Variants in AGL observed in about 807,000 individuals in gnomAD.
AGL encodes glycogen debranching enzyme.
AGL carries 128 observed loss-of-function variants against 199.3 expected under a neutral mutation model. The observed-to-expected ratio is 0.64, with a 90% confidence interval of 0.56 to 0.74. AGL has a LOEUF of 0.74. Ranked by LOEUF, AGL falls within the 30% of genes least tolerant of loss-of-function variation. The pLI, the probability that AGL is intolerant of heterozygous loss-of-function variation, is 0.00. For synonymous variants in AGL, 584 were observed against 594.7 expected, an observed-to-expected ratio of 0.98 and a Z score of 0.26; for missense variants, 1,809 against 1,820.8, an observed-to-expected ratio of 0.99 and a Z score of 0.12.
chr1:99,855,617 A>G (rs887769538), intron 2 of AGL, among the ~76,000 whole-genome samples: 1 of 152,148 alleles, frequency 6.6e-6, no homozygotes, highest in Non-Finnish European at 1.5e-5. Context: ...CCTGGCCAAC[A>G]TGGTGAAACC....
chr1:99,887,865 A>G (rs2100778347), intron 20 of AGL, 113 bp from the exon 21 acceptor site: 3 of 1,242,872 alleles, frequency 2.4e-6, no homozygotes, highest in Non-Finnish European at 3.5e-6. Context: ...CTGAGTTCCT[A>G]AAACATACAC....
intron 7 of AGL, among the ~76,000 whole-genome samples, chr1:99,871,627 G>A (rs756218208): frequency 2.0e-5 from 3 of 152,092 alleles, no homozygotes; most frequent in Non-Finnish European, 4.4e-5. Flanking sequence ...TGAAGTAGAC[G>A]TCAATATGGC....
rs1416484750 is a variant in AGL at position 99,864,649 on chromosome 1, T to C, written c.664+60T>C. The C allele has an allele frequency of 7.9e-6, 11 of 1,387,202 alleles. No homozygotes were observed. The South Asian group carries it at 1.2e-4, about 15-fold the overall frequency. 85.9% of individuals were successfully genotyped at this position (1,387,202 alleles called of 1,614,324 possible). On this transcript the variant is annotated intron_variant, in intron 5 of 33. Transcript: ENST00000361915. ...ATGAGAATTTATGCACACACACATA[T>C]ACACACAAATAAGAGAAAGGAAGAA...
chr1:99,910,354 G>C (rs1420304966), intron 27 of AGL, among the ~76,000 whole-genome samples: 2 of 152,112 alleles, frequency 1.3e-5, no homozygotes, highest in African/African-American at 4.8e-5. Context: ...AAATGGTATA[G>C]AGGGTTTCCC....
intron 8 of AGL, 53 bp downstream of exon 8, chr1:99,874,863 T>A (rs1369060760): frequency 6.3e-7 from 1 of 1,579,514 alleles, no homozygotes; most frequent in Admixed American, 1.7e-5. Flanking sequence ...CAAACCTTTA[T>A]GGCTAGTATG....
chr1:99,891,100 G>T, intron 21 of AGL, 120 bp from the exon 22 acceptor site: 1 of 1,227,494 alleles, frequency 8.1e-7, no homozygotes. Context: ...CCTTGTGTGT[G>T]CCTCTAATAC....
intron 12 of AGL, among the ~76,000 whole-genome samples, chr1:99,879,518 A>C (rs1301453891): frequency 6.6e-6 from 1 of 152,060 alleles, no homozygotes; most frequent in African/African-American, 2.4e-5. Context: ...TGGGAGGCGG[A>C]GGTTGTGGTG....
At chr1:99,852,200 A>T (rs1339852259) in intron 2 of AGL, among the ~76,000 whole-genome samples, 1 of 152,058 alleles carries the variant, frequency 6.6e-6, no homozygotes, top group Non-Finnish European at 1.5e-5. Flanking sequence ...CCTCTGTGCT[A>T]ATGACTACTT....
Position 99,910,810 on chromosome 1 carries a change from G to A in AGL, c.3799G>A (p.Asp1267Asn), listed in dbSNP as rs1322102626. Residue 1267 changes from aspartate (D) to asparagine (N), a missense_variant, in exon 28 of 34, where the codon GAC becomes AAC. By Grantham distance (23) the Asp-to-Asn change is conservative. Coordinates refer to ENST00000361915, the MANE Select transcript of AGL (RefSeq NM_000642.3). ...GTWMDKMGES[D>N]RARNRGIPAT... is the part of the protein sequence containing the mutation. Reference sequence around the variant, plus strand: ...ATGGATGGATAAAATGGGAGAAAGTGACAGAGCTAGAAACAGAGGAATCCC... The same window carrying A: ...ATGGATGGATAAAATGGGAGAAAGTAACAGAGCTAGAAACAGAGGAATCCC... The A allele has an allele frequency of 3.1e-6, 5 of 1,613,202 alleles. No homozygotes were observed. The highest frequency in any genetic ancestry group is 4.2e-6 in the Non-Finnish European group (5 of 1,179,450).
intron 24 of AGL, among the ~76,000 whole-genome samples, chr1:99,894,817 A>G (rs74102283): frequency 0.011 from 1,710 of 152,272 alleles, 32 homozygotes; most frequent in African/African-American, 0.039. Context: ...TATATATTAT[A>G]TACAGTTACA....
intron 13 of AGL, 138 bp from the exon 14 acceptor site, chr1:99,880,494 G>C: frequency 9.5e-7 from 1 of 1,051,520 alleles, no homozygotes; most frequent in Non-Finnish European, 1.4e-6. Flanking sequence ...GTAGACATTT[G>C]TTTAAATCCT....
Position 99,912,446 on chromosome 1 carries a change from C to T in AGL, c.3878C>T (p.Ala1293Val). 6.2e-7 allele frequency: 1 copy of T among 1,614,000 alleles called. No individual in the cohort carries two copies. The highest frequency in any genetic ancestry group is 8.5e-7 in the Non-Finnish European group (1 of 1,179,974). Reference sequence around the variant, plus strand: ...GAAATTGTGGGCCTGAGTAAATCTGCTGTTCGCTGGTTGCTGGAATTATCC... The same window carrying T: ...GAAATTGTGGGCCTGAGTAAATCTGTTGTTCGCTGGTTGCTGGAATTATCC... ...AVEIVGLSKSAVRWLLELSKK... is the reference protein window; with the variant it reads ...AVEIVGLSKSVVRWLLELSKK... The change falls in exon 29 of 34, where the codon GCT (alanine) becomes GTT (valine). Residue 1293 changes from alanine to valine, a missense_variant. Physicochemically the swap from Ala to Val is moderately conservative, Grantham distance 64. Coordinates refer to ENST00000361915, the MANE Select transcript of AGL (RefSeq NM_000642.3).
intron 27 of AGL, among the ~76,000 whole-genome samples, chr1:99,910,488 T>C (rs1280616579): frequency 3.9e-5 from 6 of 152,134 alleles, no homozygotes; most frequent in Admixed American, 3.9e-4. Flanking sequence ...TAAGGGTTTC[T>C]CTAGAATATA....
intron 17 of AGL, 144 bp from the exon 18 acceptor site, chr1:99,883,976 A>T (rs1276993199): frequency 3.0e-6 from 2 of 673,196 alleles, no homozygotes; most frequent in Non-Finnish European, 2.5e-6. Flanking sequence ...CCTTGGGTAG[A>T]ATCATCTACT....
intron 1 of AGL, 97 bp from the exon 2 acceptor site, chr1:99,850,878 C>T: frequency 5.6e-6 from 4 of 709,730 alleles, no homozygotes; most frequent in Non-Finnish European, 1.0e-5. Context: ...CTCTGCTAGG[C>T]ATAAAACACA....
intron 27 of AGL, among the ~76,000 whole-genome samples, chr1:99,906,047 CT>C (rs1272573732): frequency 2.6e-5 from 4 of 152,072 alleles, no homozygotes; most frequent in Non-Finnish European, 5.9e-5. Context: ...AATTCAGTGG[CT>C]TTAAGTACAA....
intron 23 of AGL, 126 bp downstream of exon 23, chr1:99,891,865 T>G (rs945929570): frequency 1.8e-6 from 2 of 1,107,332 alleles, no homozygotes; most frequent in Non-Finnish European, 1.4e-6. Flanking sequence ...GGCTTGTAGG[T>G]GGATAGTAAA....
chr1:99,876,529 C>T lies in AGL; in HGVS notation c.1355C>T (p.Ala452Val), dbSNP rs746711206. Residue 452 changes from alanine to valine, a missense_variant, in exon 11 of 34, where the codon GCT (alanine) becomes GTT (valine). Ala to Val is a moderately conservative substitution (Grantham distance 64, BLOSUM62 0). Coordinates refer to ENST00000361915, the MANE Select transcript of AGL (RefSeq NM_000642.3). ...TCTATGATTCATCTGCCAAATAAAG[C>T]TTGTTTTCTGATGGCACACAATGGA... ...EESMIHLPNK[A>V]CFLMAHNGWV... 1.9e-6 allele frequency: 3 copies of T among 1,613,772 alleles called. No homozygotes were observed. Among genetic ancestry groups the T allele is most frequent in the Non-Finnish European group, 2.5e-6 (3 of 1,179,770 alleles).
intron 22 of AGL, 43 bp downstream of exon 22, chr1:99,891,399 A>G (rs771836833): frequency 3.1e-6 from 5 of 1,600,550 alleles, no homozygotes; most frequent in Non-Finnish European, 8.6e-7. Context: ...CAAGGACATA[A>G]TAATAAATAT....
Sources: allele counts gnomAD v4.1 joint callset (sites outside exome capture counted in the v4.1 genomes callset), GRCh38; gene constraint gnomAD v4.1.1; transcripts MANE v1.5; gene names NCBI Gene and HGNC (gene_info 2026-07-23, HGNC 2026-07-21).